Variants in CACNB2 observed in about 807,000 individuals in gnomAD.
The protein encoded by CACNB2 is voltage-dependent L-type calcium channel subunit beta-2.
In CACNB2, 42 loss-of-function variants were observed where a neutral mutation model predicts 73.3. That is an observed-to-expected ratio of 0.57 (90% CI 0.45 to 0.74). CACNB2 has a LOEUF of 0.74. Among genes scored for constraint, CACNB2 ranks in the 30% least tolerant of loss-of-function variants. The pLI is 0.00. For missense variants in CACNB2, 940 were observed against 853.0 expected, an observed-to-expected ratio of 1.10 and a Z score of -1.27; for synonymous variants, 348 against 310.3, an observed-to-expected ratio of 1.12 and a Z score of -1.28.
chr10:18,152,724 A>AC (rs1328143378), intron 2 of CACNB2, among the ~76,000 whole-genome samples: 128 of 131,924 alleles, frequency 9.7e-4, no homozygotes, highest in African/African-American at 4.2e-3. Flanking sequence ...AAAAAAAAAA[A>AC]AAAAAAAACA....
chr10:18,248,856 T>A (rs1440192120), intron 2 of CACNB2, among the ~76,000 whole-genome samples: 1 of 152,182 alleles, frequency 6.6e-6, no homozygotes, highest in East Asian at 1.9e-4. Context: ...TCCTGGGAAA[T>A]GTGACATCAG....
At chr10:18,141,223 CG>C in intron 1 of CACNB2, 1 of 358,722 alleles carries the variant, frequency 2.8e-6, no homozygotes, top group Non-Finnish European at 5.6e-6. Context: ...ATCGTGAGTC[CG>C]GGTGGGCGGG....
chr10:18,166,327 C>T (rs1416369277), intron 2 of CACNB2, among the ~76,000 whole-genome samples: 1 of 152,052 alleles, frequency 6.6e-6, no homozygotes, highest in Non-Finnish European at 1.5e-5. Context: ...ACAATCTTGG[C>T]ACACTGTGAC....
chr10:18,468,558 A>G (rs1245311963), intron 3 of CACNB2, among the ~76,000 whole-genome samples: 1 of 152,170 alleles, frequency 6.6e-6, no homozygotes, highest in East Asian at 1.9e-4. Context: ...ATCTGCAGGC[A>G]TTCAGGCAAA....
intron 9 of CACNB2, among the ~76,000 whole-genome samples, chr10:18,519,214 C>T (rs760669313): frequency 6.6e-6 from 1 of 152,148 alleles, no homozygotes; most frequent in Admixed American, 6.5e-5. Context: ...ACACCACTGG[C>T]CAGTCTCACC....
chr10:18,290,001 G>A lies in CACNB2; in HGVS notation c.214-111923G>A, dbSNP rs904612700. ...TCCAGATGCCATTTGATTTCAGTGA[G>A]AGAAGAGTCTAAAAAGCACTCCTTT... On this transcript the variant is annotated intron_variant, in intron 2 of 13. Transcript: ENST00000324631. 2.6e-5 allele frequency among the ~76,000 whole-genome samples: 4 copies of A among 151,492 alleles called. No homozygotes were observed. The East Asian group carries it at 7.8e-4, about 29-fold the overall frequency.
At chr10:18,195,299 C>G (rs1307293359) in intron 2 of CACNB2, among the ~76,000 whole-genome samples, 1 of 152,148 alleles carries the variant, frequency 6.6e-6, no homozygotes, top group Non-Finnish European at 1.5e-5. Flanking sequence ...GTGCTTCAAA[C>G]GGAAGCGCCC....
intron 6 of CACNB2, among the ~76,000 whole-genome samples, chr10:18,509,734 G>A (rs1466072282): frequency 6.6e-6 from 1 of 152,112 alleles, no homozygotes; most frequent in African/African-American, 2.4e-5. Context: ...AGGCTGCACT[G>A]AGCCATGATT....
chr10:18,496,518 AAAG>A (rs2049824310), intron 3 of CACNB2, among the ~76,000 whole-genome samples: 1 of 152,198 alleles, frequency 6.6e-6, no homozygotes, highest in Non-Finnish European at 1.5e-5. Context: ...TAATTTTTTT[AAAG>A]AATAGGTTAA....
At chr10:18,323,271 T>C (rs1004372961) in intron 2 of CACNB2, among the ~76,000 whole-genome samples, 3 of 152,140 alleles carry the variant, frequency 2.0e-5, no homozygotes, top group African/African-American at 7.2e-5. Context: ...TCCTTGTTTT[T>C]CTTTATTATT....
chr10:18,400,717 A>T (rs2043951325), intron 2 of CACNB2: 1 of 1,134,704 alleles, frequency 8.8e-7, no homozygotes, highest in East Asian at 5.2e-5. Context: ...GAGAATGTTT[A>T]GGGTTATGAG....
chr10:18,502,414 C>T (rs553998465), intron 5 of CACNB2, among the ~76,000 whole-genome samples: 12 of 151,046 alleles, frequency 7.9e-5, no homozygotes, highest in African/African-American at 2.7e-4. Flanking sequence ...ACGGGGGCCA[C>T]GTGCGGTGGC....
At chr10:18,353,855 C>T (rs992704300) in intron 2 of CACNB2, among the ~76,000 whole-genome samples, 10 of 151,920 alleles carry the variant, frequency 6.6e-5, no homozygotes, top group Admixed American at 2.0e-4. Flanking sequence ...TTTTTTTTGC[C>T]CAAAGGCATT....
chr10:18,502,031 G>A (rs750756652), intron 5 of CACNB2, among the ~76,000 whole-genome samples: 7 of 152,208 alleles, frequency 4.6e-5, no homozygotes, highest in Non-Finnish European at 1.0e-4. Context: ...AAGATTGGCC[G>A]GGCATGGTGG....
intron 2 of CACNB2, among the ~76,000 whole-genome samples, chr10:18,193,575 C>A (rs1255183457): frequency 6.6e-6 from 1 of 152,086 alleles, no homozygotes; most frequent in Non-Finnish European, 1.5e-5. Flanking sequence ...TTCTGGAACC[C>A]AAGGCTTTAC....
intron 2 of CACNB2, among the ~76,000 whole-genome samples, chr10:18,164,754 C>G (rs942639400): frequency 1.3e-5 from 2 of 151,990 alleles, no homozygotes; most frequent in African/African-American, 4.8e-5. Flanking sequence ...AAGAATAACT[C>G]TGGATTTAGG....
intron 2 of CACNB2, among the ~76,000 whole-genome samples, chr10:18,369,873 C>G (rs1417840469): frequency 6.6e-6 from 1 of 152,206 alleles, no homozygotes; most frequent in Non-Finnish European, 1.5e-5. Flanking sequence ...TGCCATTGCA[C>G]TCCACCCTTG....
intron 2 of CACNB2, among the ~76,000 whole-genome samples, chr10:18,237,049 C>CTCG (rs1316801606): frequency 6.6e-6 from 1 of 152,122 alleles, no homozygotes; most frequent in East Asian, 1.9e-4. Flanking sequence ...GCTCTGCTTA[C>CTCG]CCAGGGATCT....
intron 2 of CACNB2, among the ~76,000 whole-genome samples, chr10:18,308,726 T>A (rs568532477): frequency 6.6e-6 from 1 of 152,276 alleles, no homozygotes; most frequent in African/African-American, 2.4e-5. Context: ...ACCCCAAGTG[T>A]GCCAAGTATG....
Sources: gnomAD v4.1 joint callset for allele counts (sites outside exome capture counted in the v4.1 genomes callset) on GRCh38, gnomAD v4.1.1 for gene constraint, MANE v1.5 for transcripts, NCBI Gene and HGNC (gene_info 2026-07-23, HGNC 2026-07-21) for gene names.